Variants in DGUOK observed in about 807,000 individuals in gnomAD.
The protein encoded by DGUOK is deoxyguanosine kinase, mitochondrial.
A neutral mutation model predicts 36.6 loss-of-function variants in DGUOK; 30 were observed. The observed-to-expected ratio is 0.82, with a 90% CI of 0.61 to 1.11. The LOEUF (loss-of-function observed/expected upper bound fraction) is 1.11. DGUOK is among the 50% of genes most tolerant of loss of function. The pLI is 0.00. For synonymous variants in DGUOK, 145 were observed against 126.3 expected (o/e 1.15, Z -0.99); for missense variants, 361 against 336.4 (o/e 1.07, Z -0.57).
intron 1 of DGUOK, among the ~76,000 whole-genome samples, chr2:73,937,072 G>C (rs1009279595): frequency 6.6e-6 from 1 of 152,212 alleles, no homozygotes; most frequent in Non-Finnish European, 1.5e-5. Context: ...AGGAGGGTAG[G>C]CTACCTAAAG....
intron 2 of DGUOK, among the ~76,000 whole-genome samples, chr2:73,941,940 G>C (rs1359410668): frequency 6.8e-6 from 1 of 146,062 alleles, no homozygotes; most frequent in African/African-American, 2.6e-5. Context: ...ACGGGGTCTC[G>C]CCTTGTCGCC....
chr2:73,928,608 G>A (rs1017154845), intron 1 of DGUOK, among the ~76,000 whole-genome samples: 1 of 152,182 alleles, frequency 6.6e-6, no homozygotes, highest in African/African-American at 2.4e-5. Flanking sequence ...GAGGGAAATC[G>A]TTGTGACTGA....
At chr2:73,932,560 CT>C in intron 1 of DGUOK, 1 of 1,232,896 alleles carries the variant, frequency 8.1e-7, no homozygotes, top group Non-Finnish European at 1.1e-6. Context: ...TATTAAACTG[CT>C]TTTTAAATCA....
At chr2:73,935,087 T>TAAAC (rs10701633) in intron 1 of DGUOK, among the ~76,000 whole-genome samples, 94,577 of 151,018 alleles carry the variant, frequency 0.63, 30,168 homozygotes, top group Non-Finnish European at 0.68. Context: ...AATAAATAAA[T>TAAAC]AAACAAACAA....
Position 73,930,915 on chromosome 2 carries a change from GCT to G in DGUOK, c.142+3865_142+3866del, listed in dbSNP as rs1553399681. Among the ~76,000 whole-genome samples the G allele has an allele frequency of 3.5e-5, 5 of 142,766 alleles. No individual in the cohort carries two copies. In the Admixed American group the frequency reaches 3.6e-4, roughly 10 times the overall value. The allele number at this position is 142,766 out of a possible 152,430, so 93.7% of individuals were successfully genotyped here. Reference sequence around the variant, plus strand: ...GGTTCACGCCATTCTCCTGCCTCAGGCTCCCAAGTAGCTGGGACTACAGGCGC... The same window carrying G: ...GGTTCACGCCATTCTCCTGCCTCAGGCCCAAGTAGCTGGGACTACAGGCGC... On this transcript the variant is annotated intron_variant, in intron 1 of 6. Transcript: ENST00000264093.
intron 3 of DGUOK, among the ~76,000 whole-genome samples, chr2:73,947,409 C>T (rs1573550845): frequency 6.6e-6 from 1 of 152,010 alleles, no homozygotes; most frequent in Admixed American, 6.6e-5. Context: ...AATAGCACAT[C>T]TGAGAAACTG....
At chr2:73,958,646 G>C in intron 6 of DGUOK, 64 bp from the exon 7 acceptor site, 1 of 1,386,746 alleles carries the variant, frequency 7.2e-7, no homozygotes, top group Non-Finnish European at 1.0e-6. Context: ...ATGCATTGGG[G>C]GTGGACCATT....
At chr2:73,937,959 A>G (rs1413510727) in intron 1 of DGUOK, among the ~76,000 whole-genome samples, 1 of 152,218 alleles carries the variant, frequency 6.6e-6, no homozygotes, top group Middle Eastern at 3.4e-3. Flanking sequence ...TAAAAATGAG[A>G]AGGAGTCTTA....
At chr2:73,928,252 C>G (rs947283635) in intron 1 of DGUOK, among the ~76,000 whole-genome samples, 2 of 152,108 alleles carry the variant, frequency 1.3e-5, no homozygotes, top group African/African-American at 2.4e-5. Context: ...CTCAGCCTCC[C>G]GAATAGCTGG....
intron 2 of DGUOK, 143 bp downstream of exon 2, chr2:73,939,165 C>G (rs1681713818): frequency 1.5e-6 from 1 of 683,884 alleles, no homozygotes; most frequent in East Asian, 2.8e-5. Flanking sequence ...AGACCACATA[C>G]ACCAGAGAGG....
intron 4 of DGUOK, 127 bp downstream of exon 4, chr2:73,950,859 T>TG: frequency 7.9e-7 from 1 of 1,273,052 alleles, no homozygotes; most frequent in Admixed American, 1.7e-5. Context: ...CAGAGAGCAG[T>TG]GGGGGACACC....
rs377083944 is a variant in DGUOK at position 73,951,456 on chromosome 2, G to GTT, written c.591+735_591+736dup. On this transcript the variant is annotated intron_variant, in intron 4 of 6. Transcript: ENST00000264093. ...GGAGTGGGATTCTGAGTCAAGGTGA[G>GTT]TTTTTTTTTTTTAGAGATGTACTGC... Among the ~76,000 whole-genome samples the GTT allele has an allele frequency of 9.1e-3, 1,323 of 145,688 alleles. 21 individuals are homozygous for GTT. The highest frequency in any genetic ancestry group is 0.03 in the African/African-American group (1,216 of 40,114).
chr2:73,932,103 G>A (rs561846617), intron 1 of DGUOK, among the ~76,000 whole-genome samples: 2 of 152,308 alleles, frequency 1.3e-5, no homozygotes, highest in South Asian at 4.1e-4. Context: ...CCGGAGATGG[G>A]TGCTGAGATT....
chr2:73,950,569 T>C lies in DGUOK; in HGVS notation c.444-16T>C. On this transcript the variant is annotated splice_polypyrimidine_tract_variant and intron_variant, in intron 3 of 6. Coordinates refer to ENST00000264093, the MANE Select transcript of DGUOK (RefSeq NM_080916.3). Reference sequence around the variant, plus strand: ...CATTCTCCTGCCCTCCCCATTCCCATCCCACTTCCAACCAGGTATATCTTT... The same window carrying C: ...CATTCTCCTGCCCTCCCCATTCCCACCCCACTTCCAACCAGGTATATCTTT... 6.2e-7 allele frequency: 1 copy of C among 1,614,056 alleles called. No individual in the cohort carries two copies. The highest frequency in any genetic ancestry group is 8.5e-7 in the Non-Finnish European group (1 of 1,179,954).
chr2:73,956,212 C>T (rs145206926), intron 4 of DGUOK, among the ~76,000 whole-genome samples: 249 of 152,334 alleles, frequency 1.6e-3, no homozygotes, highest in African/African-American at 5.7e-3. Flanking sequence ...TATGTACACT[C>T]TGCAAAGCAG....
At chr2:73,940,108 G>A (rs1681794059) in intron 2 of DGUOK, among the ~76,000 whole-genome samples, 1 of 152,022 alleles carries the variant, frequency 6.6e-6, no homozygotes, top group Admixed American at 6.6e-5. Flanking sequence ...CGCCATGTTG[G>A]CCAGGCTGGT....
intron 1 of DGUOK, chr2:73,932,608 C>T (rs772056245): frequency 6.9e-6 from 9 of 1,297,896 alleles, no homozygotes; most frequent in Non-Finnish European, 9.1e-6. Flanking sequence ...GTAACATCCT[C>T]AAGCAAATCA....
intron 1 of DGUOK, among the ~76,000 whole-genome samples, chr2:73,934,809 A>T (rs1681332653): frequency 6.6e-6 from 1 of 150,766 alleles, no homozygotes; most frequent in Admixed American, 6.6e-5. Context: ...GCAGTGGCTC[A>T]CGCCTGTAAT....
At position 73,939,336 on chromosome 2, in the gene DGUOK, T is replaced by C. The variant is rs139258108; in HGVS notation, c.255+314T>C. 2.3e-4 allele frequency among the ~76,000 whole-genome samples: 35 copies of C among 152,362 alleles called. No individual in the cohort carries two copies. The East Asian group carries it at 6.7e-3, about 29-fold the overall frequency. On this transcript the variant is annotated intron_variant, in intron 2 of 6. Coordinates refer to ENST00000264093, the MANE Select transcript of DGUOK (RefSeq NM_080916.3). The stretch of plus-strand genomic sequence containing the variant: ...TTCCTACACTTAAGTATTTATATTA[T>C]TACTTAAGCTAACCACTAGGATTAA...
Sources: gnomAD v4.1 joint callset for allele counts (sites outside exome capture counted in the v4.1 genomes callset) on GRCh38, gnomAD v4.1.1 for gene constraint, MANE v1.5 for transcripts, NCBI Gene and HGNC (gene_info 2026-07-23, HGNC 2026-07-21) for gene names.